SHISA6: variants seen among roughly 807,000 people sequenced by gnomAD.
SHISA6 encodes the protein protein shisa-6.
Under a neutral mutation model 47.9 loss-of-function variants are expected in SHISA6, and 22 were observed. The observed-to-expected ratio is 0.46, with a 90% confidence interval of 0.33 to 0.66. SHISA6 has a LOEUF of 0.66. Ranked by LOEUF, SHISA6 falls within the 30% of genes least tolerant of loss-of-function variation. The probability of loss-of-function intolerance (pLI) is 0.02; values close to 1 mark genes in which losing one functional copy is unlikely to be tolerated. For missense variants in SHISA6, 680 were observed against 764.6 expected, an observed-to-expected ratio of 0.89 and a Z score of 1.30; for synonymous variants, 388 against 337.8, an observed-to-expected ratio of 1.15 and a Z score of -1.63.
chr17:11,338,670 C>T (rs935136663), intron 2 of SHISA6, among the ~76,000 whole-genome samples: 9 of 152,022 alleles, frequency 5.9e-5, no homozygotes, highest in African/African-American at 2.2e-4. Context: ...TGGTCCTCAG[C>T]CTCCCAAAGT....
chr17:11,367,054 G>A (rs1912475947), intron 2 of SHISA6, among the ~76,000 whole-genome samples: 1 of 152,190 alleles, frequency 6.6e-6, no homozygotes, highest in Non-Finnish European at 1.5e-5. Flanking sequence ...ATGGGCAAGA[G>A]GGAATTGAGG....
At chr17:11,306,095 A>G (rs1302566904) in intron 2 of SHISA6, among the ~76,000 whole-genome samples, 1 of 152,198 alleles carries the variant, frequency 6.6e-6, no homozygotes, top group Non-Finnish European at 1.5e-5. Flanking sequence ...GAATGCTGAC[A>G]GTGTACTAAG....
chr17:11,299,795 C>T (rs1386273846), intron 2 of SHISA6, among the ~76,000 whole-genome samples: 1 of 152,148 alleles, frequency 6.6e-6, no homozygotes, highest in East Asian at 1.9e-4. Flanking sequence ...AGGGTGGTCT[C>T]CTCATCTCAA....
chr17:11,270,723 G>A (rs1908608553), intron 2 of SHISA6, among the ~76,000 whole-genome samples: 1 of 152,210 alleles, frequency 6.6e-6, no homozygotes, highest in Non-Finnish European at 1.5e-5. Flanking sequence ...AACGGGCAGG[G>A]TTTGGCCTGT....
At chr17:11,259,641 T>C (rs1318675463) in intron 1 of SHISA6, among the ~76,000 whole-genome samples, 1 of 152,252 alleles carries the variant, frequency 6.6e-6, no homozygotes, top group Non-Finnish European at 1.5e-5. Context: ...GAAATTCAGA[T>C]ACACTTTCAT....
At chr17:11,351,797 A>G (rs1400044941) in intron 2 of SHISA6, among the ~76,000 whole-genome samples, 2 of 152,206 alleles carry the variant, frequency 1.3e-5, no homozygotes, top group Non-Finnish European at 2.9e-5. Context: ...GTCAAATGAA[A>G]GAGGGGGATG....
At chr17:11,326,999 C>CT (rs1910917580) in intron 2 of SHISA6, among the ~76,000 whole-genome samples, 1 of 152,200 alleles carries the variant, frequency 6.6e-6, no homozygotes. Context: ...TGCTCTTGAA[C>CT]TCTGTGGACA....
At chr17:11,301,778 C>T (rs1397499956) in intron 2 of SHISA6, among the ~76,000 whole-genome samples, 3 of 152,188 alleles carry the variant, frequency 2.0e-5, no homozygotes, top group East Asian at 1.9e-4. Context: ...AGAGATTTCT[C>T]ATAAGGGGAA....
intron 3 of SHISA6, among the ~76,000 whole-genome samples, chr17:11,480,929 A>G (rs1470833608): frequency 2.0e-5 from 3 of 152,196 alleles, no homozygotes; most frequent in African/African-American, 7.2e-5. Context: ...TATTAAAAAA[A>G]TAGAGTATAT....
chr17:11,278,074 A>G (rs1908985940), intron 2 of SHISA6, among the ~76,000 whole-genome samples: 1 of 152,044 alleles, frequency 6.6e-6, no homozygotes, highest in Non-Finnish European at 1.5e-5. Flanking sequence ...TCTACCACAA[A>G]CCGTTGGTAT....
intron 3 of SHISA6, among the ~76,000 whole-genome samples, chr17:11,446,637 T>C (rs537833433): frequency 6.6e-6 from 1 of 152,334 alleles, no homozygotes; most frequent in South Asian, 2.1e-4. Flanking sequence ...GGTGTGTGGG[T>C]AGACATGGTC....
intron 1 of SHISA6, among the ~76,000 whole-genome samples, chr17:11,260,447 G>C (rs7208866): frequency 0.99 from 151,270 of 152,110 alleles, 75,223 homozygotes; most frequent in Middle Eastern, 1. Flanking sequence ...ACAGCCTGTC[G>C]TGTCCCGAGT....
chr17:11,557,729 C>G (rs1383802144), intron 5 of SHISA6, 25 bp from the exon 6 acceptor site: 1 of 1,513,094 alleles, frequency 6.6e-7, no homozygotes, highest in Admixed American at 2.1e-5. Flanking sequence ...CAGTTGCCTT[C>G]TCTCACTCTG....
rs2072026436 is a variant in SHISA6 at position 11,560,025 on chromosome 17, C to T, written c.*1721C>T. 6.6e-6 allele frequency: 1 copy of T among 152,244 alleles called. No homozygotes were observed. Among genetic ancestry groups the T allele is most frequent in the Non-Finnish European group, 1.5e-5 (1 of 68,074 alleles). 9.4% of individuals were successfully genotyped at this position (152,244 alleles called of 1,614,324 possible). On this transcript the variant is annotated 3_prime_UTR_variant, in exon 6 of 6. Coordinates refer to ENST00000441885, the MANE Select transcript of SHISA6 (RefSeq NM_207386.4). ...AGTGCCCTTATAAATGGGGTTTTACCTGCCCTCAGTTCTGCACTCATGGCC... is the reference window on the plus strand; with the variant it reads ...AGTGCCCTTATAAATGGGGTTTTACTTGCCCTCAGTTCTGCACTCATGGCC...
chr17:11,294,694 AGACTGAAT>A (rs1274846571), intron 2 of SHISA6, among the ~76,000 whole-genome samples: 4 of 152,206 alleles, frequency 2.6e-5, no homozygotes, highest in African/African-American at 9.6e-5. Flanking sequence ...AAGACCCCCA[AGACTGAAT>A]GCCTGAAACC....
chr17:11,334,816 C>T (rs1207979891), intron 2 of SHISA6, among the ~76,000 whole-genome samples: 1 of 152,194 alleles, frequency 6.6e-6, no homozygotes, highest in Non-Finnish European at 1.5e-5. Context: ...ACTGTGGACA[C>T]CTGGAATTCA....
At chr17:11,386,685 G>A (rs1913205315) in intron 3 of SHISA6, among the ~76,000 whole-genome samples, 1 of 152,224 alleles carries the variant, frequency 6.6e-6, no homozygotes, top group Non-Finnish European at 1.5e-5. Context: ...AGTGAAAGCA[G>A]ATAGAATCTA....
chr17:11,539,134 G>A (rs1007325940), intron 3 of SHISA6, among the ~76,000 whole-genome samples: 4 of 152,068 alleles, frequency 2.6e-5, no homozygotes, highest in Non-Finnish European at 5.9e-5. Context: ...TAGAGACGGG[G>A]TTTCACCATG....
intron 3 of SHISA6, among the ~76,000 whole-genome samples, chr17:11,426,704 AT>A (rs1160204860): frequency 6.6e-6 from 1 of 152,152 alleles, no homozygotes; most frequent in African/African-American, 2.4e-5. Context: ...GTAAATAGAG[AT>A]TTTTTACATG....
Sources: allele counts gnomAD v4.1 joint callset (sites outside exome capture counted in the v4.1 genomes callset), GRCh38; gene constraint gnomAD v4.1.1; transcripts MANE v1.5; gene names NCBI Gene and HGNC (gene_info 2026-07-23, HGNC 2026-07-21).